The following PHF19 variants were observed in gnomAD, a reference collection of about 807,000 sequenced individuals.
The protein encoded by PHF19 is PHD finger protein 19.
In PHF19, 21 loss-of-function variants were observed where a neutral mutation model predicts 79.8. That is an observed-to-expected ratio of 0.26 (90% CI 0.19 to 0.38). PHF19 has a LOEUF of 0.38. Ranked by LOEUF, PHF19 falls within the 10% of genes least tolerant of loss-of-function variation. PHF19 has a pLI of 1.00. For synonymous variants in PHF19, 273 were observed against 296.3 expected, an observed-to-expected ratio of 0.92 and a Z score of 0.81; for missense variants, 445 against 744.2, an observed-to-expected ratio of 0.60 and a Z score of 4.68.
Position 120,891,173 on chromosome 9 carries a change from G to C in PHF19, c.42+3615C>G, listed in dbSNP as rs1358843435. Among the ~76,000 whole-genome samples the C allele has an allele frequency of 6.6e-6, 1 of 152,092 alleles. No homozygotes were observed. Among genetic ancestry groups the C allele is most frequent in the Non-Finnish European group, 1.5e-5 (1 of 68,014 alleles). Reference sequence around the variant, plus strand: ...GTTAGGTATCCCTGCTCATGCCCCAGAGCGCCTGGGTTTCTGCTCATCACA... The same window carrying C: ...GTTAGGTATCCCTGCTCATGCCCCACAGCGCCTGGGTTTCTGCTCATCACA... On this transcript the variant is annotated intron_variant, in intron 1 of 14. Transcript: ENST00000616568. This position sits in a 1 kb window ranked among gnomAD's most constrained non-coding sequence, Gnocchi z 4.3.
chr9:120,864,874 G>A (rs868553586), intron 9 of PHF19, among the ~76,000 whole-genome samples: 4 of 151,980 alleles, frequency 2.6e-5, no homozygotes, highest in African/African-American at 9.7e-5. Context: ...TCTGGGTGGC[G>A]TGATATGGAT....
At chr9:120,872,334 GC>G (rs2045927683) in intron 3 of PHF19, among the ~76,000 whole-genome samples, 1 of 152,224 alleles carries the variant, frequency 6.6e-6, no homozygotes. Flanking sequence ...CCCGGAAGGG[GC>G]AGTTCTGGCT....
At chr9:120,879,563 A>G (rs1000635413), upstream of PHF19, among the ~76,000 whole-genome samples, 13 of 152,182 alleles carry the variant, frequency 8.5e-5, no homozygotes, top group Non-Finnish European at 1.5e-4. Context: ...CAAATAAGAC[A>G]ATGAAGGAGC....
rs114173624 is a variant in PHF19, at chr9:120,864,178, G to A, written c.901-62C>T. ...GCATATGGCGCATGGGGAGGCCCAA[G>A]CCCCTACTCCCTCCCTTCCATCTCC... On this transcript the variant is annotated intron_variant, in intron 9 of 14. Coordinates refer to ENST00000373896, the MANE Select transcript of PHF19 (RefSeq NM_015651.3). The A allele has an allele frequency of 2.2e-3, 3,068 of 1,382,388 alleles. 57 individuals are homozygous for A. In the African/African-American group the frequency reaches 0.039, roughly 17 times the overall value. 85.6% of individuals were successfully genotyped at this position (1,382,388 alleles called of 1,614,324 possible). A position where few individuals can be genotyped will look rare whatever the true frequency, so the allele number is the denominator to read the frequency against.
At chr9:120,877,191 C>T (rs1275135408), upstream of PHF19, 9 of 983,342 alleles carry the variant, frequency 9.2e-6, no homozygotes, top group Non-Finnish European at 1.1e-5. Context: ...GGCCGAGTGT[C>T]CGCCCGTGGG....
At chr9:120,895,174 G>A (rs1417455597), upstream of PHF19, among the ~76,000 whole-genome samples, 1 of 152,178 alleles carries the variant, frequency 6.6e-6, no homozygotes, top group Non-Finnish European at 1.5e-5. Flanking sequence ...CACGTCCAGT[G>A]CTCTTTCTAT....
chr9:120,887,633 CACACACACACACACACACAG>C (rs1315804927), intron 1 of PHF19, among the ~76,000 whole-genome samples: 232 of 87,014 alleles, frequency 2.7e-3, no homozygotes, highest in African/African-American at 7.2e-3. Context: ...CACACACACA[CACACACACACACACACACAG>C]ACACACACAC....
chr9:120,858,363 C>G lies in PHF19; in HGVS notation c.1401-77G>C, dbSNP rs1279826024. On this transcript the variant is annotated intron_variant, in intron 14 of 14. Transcript: ENST00000373896. ...AGTAAATTCCTCTCCCTGAGTCCTC[C>G]CCTCAGTACCAGGAAAGTGGAAGAG... 5 of 1,097,180 alleles carry G rather than the reference C, an allele frequency of 4.6e-6. No homozygotes were observed. The Admixed American group carries it at 1.5e-4, about 33-fold the overall frequency. 68.0% of individuals were successfully genotyped at this position (1,097,180 alleles called of 1,614,324 possible). A position where few individuals can be genotyped will look rare whatever the true frequency, so the allele number is the denominator to read the frequency against.
chr9:120,895,215 C>T (rs897228064), upstream of PHF19, among the ~76,000 whole-genome samples: 1 of 152,166 alleles, frequency 6.6e-6, no homozygotes, highest in Admixed American at 6.5e-5. Context: ...ACCCTGCTGA[C>T]ACCTTAATGT....
At chr9:120,889,809 A>AAGAG (rs10683017) in intron 1 of PHF19, among the ~76,000 whole-genome samples, 103,049 of 150,978 alleles carry the variant, frequency 0.68, 35,398 homozygotes, top group South Asian at 0.8. Context: ...GAAAGAAAGA[A>AAGAG]AGAGAAAGAA....
At position 120,865,739 on chromosome 9, in the gene PHF19, G is replaced by T. The variant is rs148107983; in HGVS notation, c.871C>A (p.His291Asn). 1.7e-4 allele frequency: 277 copies of T among 1,614,162 alleles called. 2 individuals carry two copies. The African/African-American group carries it at 3.2e-3, about 18-fold the overall frequency. Residue 291 changes from histidine to asparagine, a missense_variant, in exon 9 of 15, where the codon CAC (histidine) becomes AAC (asparagine). His to Asn is a moderately conservative substitution (Grantham distance 68). Transcript: ENST00000373896. ...CCAAGCTGCAGGAGCTCCCAGTGGT[G>T]GTTGACAAAGGCCAGAATCTCCTCA... ...DFEEILAFVN[H>N]HWELLQLGKL...
At chr9:120,858,364 C>A in intron 14 of PHF19, 78 bp from the exon 15 acceptor site, 1 of 1,099,740 alleles carries the variant, frequency 9.1e-7, no homozygotes, top group Non-Finnish European at 1.3e-6. Flanking sequence ...TGAGTCCTCC[C>A]CTCAGTACCA....
intron 3 of PHF19, among the ~76,000 whole-genome samples, chr9:120,871,650 T>G (rs1216691145): frequency 1.3e-5 from 2 of 152,222 alleles, no homozygotes; most frequent in Non-Finnish European, 2.9e-5. Context: ...TAAATATGTT[T>G]TTATGTGTGA....
Position 120,891,840 on chromosome 9 carries a change from G to A in PHF19, c.42+2948C>T, listed in dbSNP as rs77672210. On this transcript the variant is annotated intron_variant, in intron 1 of 14. Transcript: ENST00000616568. This position sits in a 1 kb window ranked among gnomAD's most constrained non-coding sequence, Gnocchi z 4.3. Reference sequence around the variant, plus strand: ...CTGAGCCCCACCCCAAATCCAAGGAGCCAGACCAGGGACCCTGTGCTATAA... The same window carrying A: ...CTGAGCCCCACCCCAAATCCAAGGAACCAGACCAGGGACCCTGTGCTATAA... Among the ~76,000 whole-genome samples, 6 of 152,240 alleles carry A rather than the reference G, an allele frequency of 3.9e-5. 1 individual carries two copies. In the East Asian group the frequency reaches 1.2e-3, roughly 29 times the overall value.
chr9:120,883,959 G>C (rs2131586818), intron 1 of PHF19, among the ~76,000 whole-genome samples: 1 of 152,204 alleles, frequency 6.6e-6, no homozygotes, highest in South Asian at 2.1e-4. Flanking sequence ...TCTAAGCTTT[G>C]TTTCTCCCTC....
At chr9:120,865,674 T>C in intron 9 of PHF19, 36 bp downstream of exon 9, 1 of 1,613,478 alleles carries the variant, frequency 6.2e-7, no homozygotes, top group Non-Finnish European at 8.5e-7. Flanking sequence ...CAAACCTCTC[T>C]GCCTCCTGCC....
chr9:120,871,056 C>G (rs998228339), intron 3 of PHF19, among the ~76,000 whole-genome samples: 2 of 152,322 alleles, frequency 1.3e-5, no homozygotes, highest in Non-Finnish European at 2.9e-5. Context: ...GTGCATGCCA[C>G]CACACCCAGC....
At chr9:120,858,803 G>GACATC (rs1352573499) in intron 14 of PHF19, among the ~76,000 whole-genome samples, 3 of 120,392 alleles carry the variant, frequency 2.5e-5, no homozygotes, top group African/African-American at 6.1e-5. Context: ...TGGAGAGACT[G>GACATC]ACAGACATCA....
At chr9:120,882,704 T>C (rs1289989188) in intron 1 of PHF19, among the ~76,000 whole-genome samples, 4 of 151,904 alleles carry the variant, frequency 2.6e-5, no homozygotes, top group African/African-American at 9.7e-5. Context: ...TAGTCGTGCA[T>C]GGTGGCGGCC....
Sources: gnomAD v4.1 joint callset for allele counts (sites outside exome capture counted in the v4.1 genomes callset) on GRCh38, gnomAD v4.1.1 for gene constraint, Gnocchi (gnomAD v3.1) non-coding constraint, MANE v1.5 for transcripts, NCBI Gene and HGNC (gene_info 2026-07-23, HGNC 2026-07-21) for gene names.